PRCP: variants seen among roughly 807,000 people sequenced by gnomAD.
PRCP encodes the protein lysosomal Pro-X carboxypeptidase.
In PRCP, 46 loss-of-function variants were observed where a neutral mutation model predicts 54.2. The ratio of observed to expected loss-of-function variants is 0.85; its 90% confidence interval spans 0.67 to 1.09. The LOEUF is 1.09. Ranked by LOEUF, PRCP falls within the 50% of genes least tolerant of loss-of-function variation. The probability of loss-of-function intolerance (pLI) is 0.00; values close to 1 mark genes in which losing one functional copy is unlikely to be tolerated. For synonymous variants in PRCP, 240 were observed against 212.2 expected (o/e 1.13, Z -1.14); for missense variants, 613 against 596.8 (o/e 1.03, Z -0.28).
At chr11:82,900,686 A>G, upstream of PRCP, 1 of 591,058 alleles carries the variant, frequency 1.7e-6, no homozygotes, top group Non-Finnish European at 3.2e-6. Context: ...TGCCCTTATC[A>G]TGCTAGGGCC....
At chr11:82,896,902 A>C (rs528778368) in intron 1 of PRCP, among the ~76,000 whole-genome samples, 1 of 152,002 alleles carries the variant, frequency 6.6e-6, no homozygotes, top group African/African-American at 2.4e-5. Flanking sequence ...CCCTAATACA[A>C]TAGATATTGC....
At chr11:82,847,317 C>T (rs994071025) in intron 6 of PRCP, among the ~76,000 whole-genome samples, 1 of 152,186 alleles carries the variant, frequency 6.6e-6, no homozygotes, top group Non-Finnish European at 1.5e-5. Flanking sequence ...CCTCCTAACC[C>T]AGTGCAATGC....
At position 82,865,853 on chromosome 11, in the gene PRCP, A is replaced by T. The variant is rs577095222; in HGVS notation, c.169-5736T>A. Among the ~76,000 whole-genome samples, 4 of 152,320 alleles carry T rather than the reference A, an allele frequency of 2.6e-5. No homozygotes were observed. The South Asian group carries it at 8.3e-4, about 32-fold the overall frequency. ...GGCAAGCTTGATATGCCCTGAAAGG[A>T]TGGACACTTTTATGTTAGAAGAACA... On this transcript the variant is annotated intron_variant, in intron 1 of 8. Transcript: ENST00000313010.
intron 6 of PRCP, among the ~76,000 whole-genome samples, chr11:82,844,747 A>AAAAAAGAAAG (rs756222029): frequency 2.4e-4 from 33 of 136,050 alleles, no homozygotes; most frequent in African/African-American, 4.3e-4. Flanking sequence ...AAAAAAAAAA[A>AAAAAAGAAAG]AAAGAAAGAA....
intron 1 of PRCP, among the ~76,000 whole-genome samples, chr11:82,865,048 CA>C (rs1458019447): frequency 2.6e-5 from 4 of 152,174 alleles, no homozygotes; most frequent in African/African-American, 9.7e-5. Context: ...TTGCTCTACA[CA>C]GATCCCTTCA....
chr11:82,860,914 C>A (rs1039361231), intron 1 of PRCP, among the ~76,000 whole-genome samples: 1 of 152,088 alleles, frequency 6.6e-6, no homozygotes, highest in Non-Finnish European at 1.5e-5. Flanking sequence ...CAAGAAAGTG[C>A]TCACAATTAA....
chr11:82,872,186 C>A (rs1859497336), intron 1 of PRCP, among the ~76,000 whole-genome samples: 1 of 152,156 alleles, frequency 6.6e-6, no homozygotes, highest in Non-Finnish European at 1.5e-5. Context: ...GGGTTCAGTA[C>A]TAACCGACAT....
chr11:82,848,591 A>T (rs1858867991), intron 6 of PRCP, among the ~76,000 whole-genome samples: 1 of 152,212 alleles, frequency 6.6e-6, no homozygotes, highest in South Asian at 2.1e-4. Flanking sequence ...CTTCACACTG[A>T]GGGTAGCACC....
intron 1 of PRCP, among the ~76,000 whole-genome samples, chr11:82,870,376 G>T (rs1014889376): frequency 6.6e-6 from 1 of 152,208 alleles, no homozygotes; most frequent in Admixed American, 6.5e-5. Flanking sequence ...CTAGGTAAGT[G>T]AGGGATATGT....
intron 6 of PRCP, chr11:82,845,479 C>T (rs1858786719): frequency 6.6e-6 from 1 of 152,096 alleles, no homozygotes; most frequent in Non-Finnish European, 1.5e-5. Context: ...GCTTTTCTAA[C>T]AGATTTTCTT....
chr11:82,880,296 T>C (rs1189679648), intron 1 of PRCP, among the ~76,000 whole-genome samples: 1 of 152,216 alleles, frequency 6.6e-6, no homozygotes, highest in African/African-American at 2.4e-5. Context: ...CAGACTGCTG[T>C]GCTAGCAGTG....
intron 6 of PRCP, 100 bp downstream of exon 6, chr11:82,848,949 C>G (rs1858876598): frequency 2.4e-6 from 3 of 1,226,902 alleles, no homozygotes; most frequent in African/African-American, 1.6e-5. Context: ...CTCTGGAGCC[C>G]CTTTGTCACT....
chr11:82,900,573 C>G, upstream of PRCP: 1 of 865,318 alleles, frequency 1.2e-6, no homozygotes, highest in East Asian at 2.6e-5. Flanking sequence ...CAGGTCACCA[C>G]AGCCACTCCG....
chr11:82,878,588 T>A (rs112286270), intron 1 of PRCP, among the ~76,000 whole-genome samples: 1 of 152,290 alleles, frequency 6.6e-6, no homozygotes, highest in South Asian at 2.1e-4. Flanking sequence ...GTCATTATGA[T>A]GTTAGCTGGT....
intron 5 of PRCP, 55 bp downstream of exon 5, chr11:82,849,859 T>C (rs891504537): frequency 2.0e-5 from 26 of 1,311,280 alleles, no homozygotes; most frequent in Non-Finnish European, 2.6e-5. Flanking sequence ...CTACTGAATT[T>C]AACAAATGAA....
At chr11:82,865,277 A>G (rs761583441) in intron 1 of PRCP, among the ~76,000 whole-genome samples, 1 of 152,246 alleles carries the variant, frequency 6.6e-6, no homozygotes, top group Non-Finnish European at 1.5e-5. Context: ...TCATGCAGAT[A>G]AAGCTGACTA....
At chr11:82,899,473 T>C (rs1467112528) in intron 1 of PRCP, among the ~76,000 whole-genome samples, 1 of 152,240 alleles carries the variant, frequency 6.6e-6, no homozygotes, top group Non-Finnish European at 1.5e-5. Flanking sequence ...TTCCTATTTT[T>C]ACACAGGCTT....
At chr11:82,867,415 C>T (rs1859364095) in intron 1 of PRCP, among the ~76,000 whole-genome samples, 2 of 152,152 alleles carry the variant, frequency 1.3e-5, no homozygotes, top group South Asian at 2.1e-4. Flanking sequence ...AATATCCTGC[C>T]GTTGAGAATA....
At position 82,824,819 on chromosome 11, in the gene PRCP, G is replaced by T; in HGVS notation, c.*87C>A. 2 of 1,318,294 alleles carry T rather than the reference G, an allele frequency of 1.5e-6. No homozygotes were observed. The highest frequency in any genetic ancestry group is 2.1e-6 in the Non-Finnish European group (2 of 952,050). 81.7% of individuals were successfully genotyped at this position (1,318,294 alleles called of 1,614,324 possible). On this transcript the variant is annotated 3_prime_UTR_variant, in exon 9 of 9. Transcript: ENST00000313010. ...CCATCAAATCTAATGATAAACAAAA[G>T]AAGGTAATTACATGTAGAAAATCAA...
Sources: allele counts gnomAD v4.1 joint callset (sites outside exome capture counted in the v4.1 genomes callset), GRCh38; gene constraint gnomAD v4.1.1; transcripts MANE v1.5; gene names NCBI Gene and HGNC (gene_info 2026-07-23, HGNC 2026-07-21).